PTBP3: variants seen among roughly 807,000 people sequenced by gnomAD.
PTBP3 encodes polypyrimidine tract-binding protein 3.
A neutral mutation model predicts 58.7 loss-of-function variants in PTBP3; 20 were observed. The ratio of observed to expected loss-of-function variants is 0.34; its 90% CI spans 0.24 to 0.50. The LOEUF is 0.50. PTBP3 is among the 20% of genes least tolerant of loss of function. PTBP3 has a pLI of 0.98. For synonymous variants in PTBP3, 185 were observed against 219.8 expected (o/e 0.84, Z 1.40); for missense variants, 509 against 637.2 (o/e 0.80, Z 2.17).
At chr9:112,299,776 T>C (rs972002657) in intron 1 of PTBP3, among the ~76,000 whole-genome samples, 1 of 152,210 alleles carries the variant, frequency 6.6e-6, no homozygotes, top group Non-Finnish European at 1.5e-5. Context: ...TGAATGGACA[T>C]GACCTATACT....
At chr9:112,325,091 T>A (rs1014238257) in intron 1 of PTBP3, among the ~76,000 whole-genome samples, 1 of 152,162 alleles carries the variant, frequency 6.6e-6, no homozygotes, top group African/African-American at 2.4e-5. Flanking sequence ...AGTGCCCAAA[T>A]GTCCATCAAC....
At chr9:112,317,807 C>T (rs541731210) in intron 1 of PTBP3, among the ~76,000 whole-genome samples, 2 of 152,012 alleles carry the variant, frequency 1.3e-5, no homozygotes, top group East Asian at 3.9e-4. Flanking sequence ...ATTAGCCGGG[C>T]ATGGTGGTGT....
chr9:112,302,571 A>G (rs933150941), intron 1 of PTBP3, among the ~76,000 whole-genome samples: 6 of 134,048 alleles, frequency 4.5e-5, no homozygotes, highest in Non-Finnish European at 6.2e-5. Context: ...AAAGCTGACT[A>G]TATTCTTCAT....
intron 12 of PTBP3, 102 bp downstream of exon 12, chr9:112,227,309 C>T (rs1835027219): frequency 8.1e-7 from 1 of 1,232,134 alleles, no homozygotes. Flanking sequence ...TTGACCAGGA[C>T]AACTGCTAGG....
chr9:112,254,876 C>T (rs950368866), intron 5 of PTBP3, among the ~76,000 whole-genome samples: 4 of 151,896 alleles, frequency 2.6e-5, no homozygotes, highest in African/African-American at 9.7e-5. Context: ...AGGTATATAG[C>T]CAAAAAATTG....
the PTBP3 span, among the ~76,000 whole-genome samples, chr9:112,356,789 C>G: frequency 1.8e-4 from 7 of 39,694 alleles, no homozygotes; most frequent in South Asian, 5.9e-3. Flanking sequence ...GAGACAATTG[C>G]GTGTGCGCAC....
the PTBP3 span, among the ~76,000 whole-genome samples, chr9:112,343,538 C>G: frequency 6.6e-6 from 1 of 152,044 alleles, no homozygotes; most frequent in African/African-American, 2.4e-5. Flanking sequence ...ACCTGTAATC[C>G]CAGCATTTTG....
chr9:112,356,874 CTTTTTTT>C, the PTBP3 span, among the ~76,000 whole-genome samples: 2 of 91,526 alleles, frequency 2.2e-5, no homozygotes, highest in African/African-American at 4.4e-5. Flanking sequence ...TCATTTCCCT[CTTTTTTT>C]TTTTTTTTTT....
intron 5 of PTBP3, among the ~76,000 whole-genome samples, chr9:112,262,197 C>G (rs1178067207): frequency 1.3e-5 from 2 of 151,666 alleles, no homozygotes; most frequent in Non-Finnish European, 2.9e-5. Context: ...TTCATGATTA[C>G]CTACAAGAAA....
intron 5 of PTBP3, among the ~76,000 whole-genome samples, chr9:112,252,993 A>AT (rs1836192921): frequency 6.6e-6 from 1 of 152,336 alleles, no homozygotes; most frequent in South Asian, 2.1e-4. Flanking sequence ...AGGCACTTAA[A>AT]TAACTAGCCT....
intron 7 of PTBP3, among the ~76,000 whole-genome samples, chr9:112,246,363 C>T (rs951347400): frequency 1.3e-4 from 19 of 151,956 alleles, no homozygotes; most frequent in African/African-American, 4.6e-4. Flanking sequence ...CTCATGGAAA[C>T]CATCACAGTA....
At chr9:112,239,054 C>T (rs1243188788) in intron 7 of PTBP3, among the ~76,000 whole-genome samples, 1 of 152,086 alleles carries the variant, frequency 6.6e-6, no homozygotes, top group Non-Finnish European at 1.5e-5. Flanking sequence ...AGTCAAATAA[C>T]ATAAAAATAT....
Position 112,333,546 on chromosome 9 carries a change from G to A in PTBP3, c.-128C>T. 1.3e-6 allele frequency: 2 copies of A among 1,543,828 alleles called. No homozygotes were observed. The highest frequency in any genetic ancestry group is 1.2e-5 in the South Asian group (1 of 85,274). On this transcript the variant is annotated 5_prime_UTR_variant, in exon 1 of 14. Coordinates refer to ENST00000374257, the MANE Select transcript of PTBP3 (RefSeq NM_001163788.4). ...CCGCGAGCAGAGGAAGCAGGCGGCG[G>A]CAGCAGGGCGGTTCCGGGGACAAGC...
intron 2 of PTBP3, among the ~76,000 whole-genome samples, chr9:112,282,350 G>GT (rs1564431486): frequency 1.3e-5 from 2 of 151,856 alleles, no homozygotes; most frequent in African/African-American, 2.4e-5. Context: ...TTTTTCTCTA[G>GT]TTTTTTCTGT....
chr9:112,281,790 C>T (rs1157836978), intron 2 of PTBP3, among the ~76,000 whole-genome samples: 1 of 152,148 alleles, frequency 6.6e-6, no homozygotes, highest in Non-Finnish European at 1.5e-5. Context: ...AGAATTTGTG[C>T]ACTTCATCTG....
intron 2 of PTBP3, among the ~76,000 whole-genome samples, chr9:112,290,747 T>C (rs988533658): frequency 8.3e-6 from 1 of 120,436 alleles, no homozygotes; most frequent in African/African-American, 3.2e-5. Flanking sequence ...CAATCAAGTG[T>C]TGGCAAAGTT....
chr9:112,333,216 C>T (rs937569655), intron 1 of PTBP3, among the ~76,000 whole-genome samples: 2 of 152,126 alleles, frequency 1.3e-5, no homozygotes, highest in Non-Finnish European at 2.9e-5. Flanking sequence ...CCGGGTGTGT[C>T]GAGTAAGGCT....
At chr9:112,325,599 T>TAAAA (rs56025050) in intron 1 of PTBP3, among the ~76,000 whole-genome samples, 8 of 144,534 alleles carry the variant, frequency 5.5e-5, no homozygotes, top group Admixed American at 6.9e-5. Flanking sequence ...TCACAGAAAT[T>TAAAA]AAAAAAAAAA....
At chr9:112,351,386 C>T in the PTBP3 span, among the ~76,000 whole-genome samples, 6 of 152,170 alleles carry the variant, frequency 3.9e-5, no homozygotes, top group African/African-American at 1.2e-4. Context: ...GTGCCATTGA[C>T]GTCATATCAA....
Sources: allele counts gnomAD v4.1 joint callset (sites outside exome capture counted in the v4.1 genomes callset), GRCh38; gene constraint gnomAD v4.1.1; transcripts MANE v1.5; gene names NCBI Gene and HGNC (gene_info 2026-07-23, HGNC 2026-07-21).